Variants in TACR1 observed in about 807,000 individuals in gnomAD.
The protein encoded by TACR1 is tachykinin receptor 1, also known as substance-P receptor.
A neutral mutation model predicts 35.8 loss-of-function variants in TACR1; 25 were observed. The ratio of observed to expected loss-of-function variants is 0.70; its 90% CI spans 0.51 to 0.98. TACR1 has a LOEUF of 0.98. Ranked by LOEUF, TACR1 falls within the 50% of genes least tolerant of loss-of-function variation. TACR1 has a pLI of 0.00. For synonymous variants in TACR1, 195 were observed against 206.7 expected (o/e 0.94, Z 0.48); for missense variants, 478 against 522.9 (o/e 0.91, Z 0.84).
intron 1 of TACR1, among the ~76,000 whole-genome samples, chr2:75,173,886 C>A (rs1675348488): frequency 6.6e-6 from 1 of 152,208 alleles, no homozygotes; most frequent in Non-Finnish European, 1.5e-5. Flanking sequence ...AATGAGGTGT[C>A]TTACTCTGCT....
At chr2:75,153,327 T>G (rs1674716364) in intron 1 of TACR1, among the ~76,000 whole-genome samples, 4 of 152,226 alleles carry the variant, frequency 2.6e-5, no homozygotes, top group Admixed American at 2.6e-4. Flanking sequence ...GTCAGAAATC[T>G]TTTCTGAAGG....
intron 1 of TACR1, among the ~76,000 whole-genome samples, chr2:75,159,799 T>C (rs3771844): frequency 0.57 from 85,874 of 151,960 alleles, 24,380 homozygotes; most frequent in Non-Finnish European, 0.57. Flanking sequence ...TGGGTGGCAG[T>C]TAAAAAGAGC....
At chr2:75,106,086 A>G (rs1242434973) in intron 2 of TACR1, among the ~76,000 whole-genome samples, 1 of 152,076 alleles carries the variant, frequency 6.6e-6, no homozygotes, top group Non-Finnish European at 1.5e-5. Context: ...AAATACTAAG[A>G]AAAACTGAGT....
Position 75,120,781 on chromosome 2 carries a change from A to G in TACR1, c.390-13T>C. 5 of 1,587,616 alleles carry G rather than the reference A, an allele frequency of 3.1e-6. No individual in the cohort carries two copies. The highest frequency in any genetic ancestry group is 4.3e-6 in the Non-Finnish European group (5 of 1,166,614). The stretch of plus-strand genomic sequence containing the variant: ...GATGGCCATGTACCTGGAACAGAGA[A>G]GAAAGAACAAAGTTCTGATCTGGTC... On this transcript the variant is annotated splice_polypyrimidine_tract_variant and intron_variant, in intron 1 of 4. Transcript: ENST00000305249.
intron 2 of TACR1, among the ~76,000 whole-genome samples, chr2:75,074,078 G>T (rs1343878457): frequency 6.6e-6 from 1 of 152,100 alleles, no homozygotes; most frequent in Non-Finnish European, 1.5e-5. Flanking sequence ...CAGAATTTAT[G>T]TTTCTACTTA....
In TACR1 at chr2:75,198,656, A is replaced by G; in HGVS notation, c.279T>C (p.Ala93=). 1.2e-6 allele frequency: 2 copies of G among 1,614,250 alleles called. No homozygotes were observed. Among genetic ancestry groups the G allele is most frequent in the South Asian group, 2.2e-5 (2 of 91,086 alleles). Residue 93 remains alanine (A), a synonymous_variant, in exon 1 of 5, where the codon GCT becomes GCC. Transcript: ENST00000305249. The part of the protein sequence containing the change: ...AFNTVVNFTY[A]VHNEWYYGLF... Reference sequence around the variant, plus strand: ...GGCCGTAGTACCATTCGTTGTGGACAGCATAGGTGAAGTTCACCACTGTAT... The same window carrying G: ...GGCCGTAGTACCATTCGTTGTGGACGGCATAGGTGAAGTTCACCACTGTAT...
chr2:75,192,414 A>T (rs560904929), intron 1 of TACR1, among the ~76,000 whole-genome samples: 2 of 152,258 alleles, frequency 1.3e-5, no homozygotes, highest in African/African-American at 4.8e-5. Flanking sequence ...GAATTCTGTG[A>T]TGATTTAATA....
At position 75,091,520 on chromosome 2, in the gene TACR1, A is replaced by G. The variant is rs548668455; in HGVS notation, c.584+29054T>C. 5.3e-5 allele frequency among the ~76,000 whole-genome samples: 8 copies of G among 152,278 alleles called. No homozygotes were observed. In the South Asian group the frequency reaches 1.7e-3, roughly 32 times the overall value. On this transcript the variant is annotated intron_variant, in intron 2 of 4. Transcript: ENST00000305249. ...GGGAGGTACTATAATACCCATTTTAAAGATGAGAAAAACTAACGTTCATAA... is the reference window on the plus strand; with the variant it reads ...GGGAGGTACTATAATACCCATTTTAGAGATGAGAAAAACTAACGTTCATAA...
At chr2:75,153,920 G>C (rs1200499171) in intron 1 of TACR1, among the ~76,000 whole-genome samples, 3 of 152,134 alleles carry the variant, frequency 2.0e-5, no homozygotes, top group African/African-American at 7.2e-5. Flanking sequence ...ATCACTGATG[G>C]TGGGCAGCAC....
At chr2:75,082,462 A>G (rs1042986458) in intron 2 of TACR1, among the ~76,000 whole-genome samples, 1 of 152,178 alleles carries the variant, frequency 6.6e-6, no homozygotes, top group African/African-American at 2.4e-5. Context: ...GCTGGGTCAA[A>G]TGGTATTTCC....
intron 1 of TACR1, among the ~76,000 whole-genome samples, chr2:75,156,580 G>C (rs1674862281): frequency 7.1e-6 from 1 of 141,418 alleles, no homozygotes; most frequent in Admixed American, 7.6e-5. Flanking sequence ...TCCAGCCTGG[G>C]TAACAGAGCG....
chr2:75,109,933 C>G (rs1365898684), intron 2 of TACR1, among the ~76,000 whole-genome samples: 1 of 152,010 alleles, frequency 6.6e-6, no homozygotes. Flanking sequence ...GAGGGCAGGC[C>G]ATTAAAAAAT....
chr2:75,198,862 A>C lies in TACR1; in HGVS notation c.73T>G (p.Phe25Val), dbSNP rs1676061934. The C allele has an allele frequency of 6.2e-7, 1 of 1,614,088 alleles. No individual in the cohort carries two copies. Among genetic ancestry groups the C allele is most frequent in the East Asian group, 2.2e-5 (1 of 44,882 alleles). ...ACAATTTGCCAGGCTGGTTGCACGA[A>C]CTGATTGGGTTCCGAGGTGTTAGTG... The part of the protein sequence containing the change: ...ISTNTSEPNQ[F>V]VQPAWQIVLW... Residue 25 changes from phenylalanine to valine, a missense_variant, in exon 1 of 5, where the codon TTC becomes GTC. By Grantham distance (50) the Phe-to-Val change is conservative. Coordinates refer to ENST00000305249, the MANE Select transcript of TACR1 (RefSeq NM_001058.4).
At chr2:75,177,771 G>C (rs1158392500) in intron 1 of TACR1, among the ~76,000 whole-genome samples, 5 of 152,138 alleles carry the variant, frequency 3.3e-5, no homozygotes, top group Non-Finnish European at 7.3e-5. Flanking sequence ...ATGACAGGAA[G>C]CCATACGTTA....
chr2:75,103,914 A>T (rs1673590453), intron 2 of TACR1, among the ~76,000 whole-genome samples: 1 of 152,082 alleles, frequency 6.6e-6, no homozygotes, highest in African/African-American at 2.4e-5. Flanking sequence ...GATACATAAA[A>T]GATAAAGAGA....
intron 1 of TACR1, among the ~76,000 whole-genome samples, chr2:75,165,947 A>G (rs1024460640): frequency 3.2e-4 from 49 of 152,204 alleles, no homozygotes; most frequent in African/African-American, 1.0e-3. Context: ...TTAATGGGCC[A>G]ATTCAAACAA....
At chr2:75,195,509 C>T (rs1364610602) in intron 1 of TACR1, among the ~76,000 whole-genome samples, 5 of 152,108 alleles carry the variant, frequency 3.3e-5, no homozygotes, top group Admixed American at 6.5e-5. Context: ...AGTTTTTCTC[C>T]GCATATATCT....
chr2:75,080,702 G>A (rs4853102), intron 2 of TACR1, among the ~76,000 whole-genome samples: 2 of 152,082 alleles, frequency 1.3e-5, no homozygotes, highest in Non-Finnish European at 2.9e-5. Context: ...TCCAGGCAGG[G>A]TTAGCAGATC....
At chr2:75,145,235 CTTTAA>C (rs1674483290) in intron 1 of TACR1, among the ~76,000 whole-genome samples, 1 of 151,932 alleles carries the variant, frequency 6.6e-6, no homozygotes, top group East Asian at 1.9e-4. Context: ...AATAATATGT[CTTTAA>C]TTAAATAAAG....
Sources: allele counts gnomAD v4.1 joint callset (sites outside exome capture counted in the v4.1 genomes callset), GRCh38; gene constraint gnomAD v4.1.1; transcripts MANE v1.5; gene names NCBI Gene and HGNC (gene_info 2026-07-23, HGNC 2026-07-21).